Variants in NRG1 observed in about 807,000 individuals in gnomAD.
NRG1 encodes neuregulin 1.
A neutral mutation model predicts 63.8 loss-of-function variants in NRG1; 18 were observed. That is an observed-to-expected ratio of 0.28 (90% CI 0.19 to 0.42). The LOEUF (loss-of-function observed/expected upper bound fraction) is 0.42, where lower values mean the gene tolerates loss of function less well. Among genes scored for constraint, NRG1 ranks in the 10% least tolerant of loss-of-function variants. The probability of loss-of-function intolerance (pLI) is 1.00; values close to 1 mark genes in which losing one functional copy is unlikely to be tolerated. For missense variants in NRG1, 762 were observed against 814.7 expected, an observed-to-expected ratio of 0.94 and a Z score of 0.79; for synonymous variants, 302 against 301.3, an observed-to-expected ratio of 1.00 and a Z score of -0.02.
intron 1 of NRG1, among the ~76,000 whole-genome samples, chr8:32,094,417 G>A (rs573297914): frequency 1.1e-4 from 16 of 152,230 alleles, no homozygotes; most frequent in African/African-American, 3.9e-4. Context: ...GCCCAGCATG[G>A]CACCTTATTT....
chr8:32,727,030 T>C (rs1282761892), intron 5 of NRG1, among the ~76,000 whole-genome samples: 2 of 152,106 alleles, frequency 1.3e-5, no homozygotes, highest in South Asian at 4.1e-4. Context: ...AGACTATTTT[T>C]GGTTGGGACT....
chr8:32,093,148 C>T (rs1829424907), intron 1 of NRG1, among the ~76,000 whole-genome samples: 1 of 152,154 alleles, frequency 6.6e-6, no homozygotes, highest in Non-Finnish European at 1.5e-5. Context: ...AATTCTTCTG[C>T]CTTGAGATGC....
At position 32,686,245 on chromosome 8, in the gene NRG1, T is replaced by C. The variant is rs189290422; in HGVS notation, c.503-41704T>C. Among the ~76,000 whole-genome samples the C allele has an allele frequency of 4.6e-5, 7 of 152,282 alleles. No individual in the cohort carries two copies. In the East Asian group the frequency reaches 1.4e-3, roughly 29 times the overall value. On this transcript the variant is annotated intron_variant, in intron 5 of 11. Transcript: ENST00000356819. Reference sequence around the variant, plus strand: ...ATATGGCAAAAAGAGAAAAAAACTCTAGGATTCCAAATTATAAGCACTACT... The same window carrying C: ...ATATGGCAAAAAGAGAAAAAAACTCCAGGATTCCAAATTATAAGCACTACT...
chr8:32,100,544 T>C (rs1421372246), intron 1 of NRG1, among the ~76,000 whole-genome samples: 1 of 141,692 alleles, frequency 7.1e-6, no homozygotes, highest in Non-Finnish European at 1.6e-5. Context: ...AGCACAATAC[T>C]TTTTTTTTTT....
chr8:32,069,156 C>A (rs1825359080), intron 1 of NRG1, among the ~76,000 whole-genome samples: 1 of 152,148 alleles, frequency 6.6e-6, no homozygotes, highest in Admixed American at 6.5e-5. Flanking sequence ...AGACTTATAC[C>A]AGAACTGTGT....
intron 1 of NRG1, among the ~76,000 whole-genome samples, chr8:32,158,353 T>A (rs1213675602): frequency 2.0e-5 from 3 of 150,238 alleles, no homozygotes; most frequent in South Asian, 2.1e-4. Context: ...AGGAATTTTT[T>A]AAAAAAAGAT....
At chr8:31,733,189 C>A (rs544322920) in intron 1 of NRG1, among the ~76,000 whole-genome samples, 1 of 146,906 alleles carries the variant, frequency 6.8e-6, no homozygotes, top group Non-Finnish European at 1.5e-5. Context: ...CATTGTGTAC[C>A]TATTACATTT....
At chr8:32,232,096 G>A (rs1847020737) in intron 1 of NRG1, among the ~76,000 whole-genome samples, 2 of 150,784 alleles carry the variant, frequency 1.3e-5, no homozygotes, top group Non-Finnish European at 3.0e-5. Context: ...TAGAGATGAG[G>A]TTTTGCCATG....
intron 1 of NRG1, among the ~76,000 whole-genome samples, chr8:32,232,294 C>T (rs1220607788): frequency 2.0e-5 from 3 of 152,184 alleles, no homozygotes; most frequent in African/African-American, 7.2e-5. Context: ...TTCATGGAAT[C>T]TTACAAACAC....
chr8:32,757,290 C>A (rs566348040), intron 9 of NRG1, among the ~76,000 whole-genome samples: 1 of 152,244 alleles, frequency 6.6e-6, no homozygotes, highest in Non-Finnish European at 1.5e-5. Flanking sequence ...CAGAGCCGCA[C>A]CATCTCTTGG....
At chr8:32,133,195 C>T (rs1263031666) in intron 1 of NRG1, among the ~76,000 whole-genome samples, 1 of 151,970 alleles carries the variant, frequency 6.6e-6, no homozygotes, top group African/African-American at 2.4e-5. Flanking sequence ...TTTATAATGG[C>T]AGGAAAAAGA....
At chr8:32,557,768 C>T (rs1021965778) in intron 1 of NRG1, among the ~76,000 whole-genome samples, 6 of 151,876 alleles carry the variant, frequency 4.0e-5, no homozygotes, top group African/African-American at 4.8e-5. Context: ...TGGAAATGAG[C>T]GGGTAGGTTT....
At chr8:31,759,715 A>G (rs545289722) in intron 1 of NRG1, among the ~76,000 whole-genome samples, 1 of 152,258 alleles carries the variant, frequency 6.6e-6, no homozygotes, top group Admixed American at 6.5e-5. Context: ...CTACATATGA[A>G]TTTTAACATC....
At chr8:31,741,860 A>G (rs1352300145) in intron 1 of NRG1, among the ~76,000 whole-genome samples, 1 of 152,002 alleles carries the variant, frequency 6.6e-6, no homozygotes. Flanking sequence ...AAACTTCTGT[A>G]CATGTTTACC....
At chr8:32,078,981 C>G (rs10112935) in intron 1 of NRG1, among the ~76,000 whole-genome samples, 1 of 152,172 alleles carries the variant, frequency 6.6e-6, no homozygotes, top group Non-Finnish European at 1.5e-5. Flanking sequence ...TGACTTGACT[C>G]TATGTCAACC....
chr8:32,177,007 T>A (rs1324698779), intron 1 of NRG1, among the ~76,000 whole-genome samples: 1 of 152,222 alleles, frequency 6.6e-6, no homozygotes, highest in African/African-American at 2.4e-5. Context: ...TAAATCATGC[T>A]GCTATAAAGA....
intron 1 of NRG1, among the ~76,000 whole-genome samples, chr8:32,367,286 C>T (rs1808197002): frequency 6.6e-6 from 1 of 152,068 alleles, no homozygotes; most frequent in South Asian, 2.1e-4. Flanking sequence ...TTCCTTTTTC[C>T]ACATCCTCAC....
At chr8:32,389,805 G>T (rs1263966437) in intron 1 of NRG1, among the ~76,000 whole-genome samples, 1 of 150,036 alleles carries the variant, frequency 6.7e-6, no homozygotes, top group Non-Finnish European at 1.5e-5. Flanking sequence ...CTGTCACCCA[G>T]GTTGGAGTGC....
At chr8:32,573,615 T>C (rs1338739870) in intron 1 of NRG1, among the ~76,000 whole-genome samples, 1 of 152,154 alleles carries the variant, frequency 6.6e-6, no homozygotes, top group Non-Finnish European at 1.5e-5. Context: ...ACTATGTATT[T>C]GGGTAAGTTT....
Sources: allele counts gnomAD v4.1 joint callset (sites outside exome capture counted in the v4.1 genomes callset), GRCh38; gene constraint gnomAD v4.1.1; transcripts MANE v1.5; gene names NCBI Gene and HGNC (gene_info 2026-07-23, HGNC 2026-07-21).